Variants in SENP2 observed in about 807,000 individuals in gnomAD.
SENP2 encodes the protein sentrin-specific protease 2.
In SENP2, 16 loss-of-function variants were observed where a neutral mutation model predicts 86.3. The observed-to-expected ratio is 0.19, with a 90% CI of 0.13 to 0.28. The LOEUF is 0.28. Ranked by LOEUF, SENP2 falls within the 10% of genes least tolerant of loss-of-function variation. SENP2 has a pLI of 1.00. For missense variants in SENP2, 552 were observed against 703.0 expected (o/e 0.79, Z 2.43); for synonymous variants, 222 against 238.7 (o/e 0.93, Z 0.64).
chr3:185,621,394 T>C (rs1167309537), intron 13 of SENP2, among the ~76,000 whole-genome samples: 8 of 133,118 alleles, frequency 6.0e-5, no homozygotes, highest in East Asian at 4.3e-4. Context: ...TTCTTTTTTT[T>C]TTTTTTTTTT....
chr3:185,610,723 C>T (rs1722659690), intron 7 of SENP2, among the ~76,000 whole-genome samples: 1 of 151,912 alleles, frequency 6.6e-6, no homozygotes, highest in Non-Finnish European at 1.5e-5. Context: ...TTTGGGAGGC[C>T]GAGGTGGACG....
At position 185,611,661 on chromosome 3, in the gene SENP2, A is replaced by T; in HGVS notation, c.733A>T (p.Ser245Cys). The T allele has an allele frequency of 6.2e-7, 1 of 1,612,378 alleles. No individual in the cohort carries two copies. Among genetic ancestry groups the T allele is most frequent in the Admixed American group, 1.7e-5 (1 of 59,950 alleles). The change falls in exon 8 of 17, where the codon AGT becomes TGT. Residue 245 changes from serine to cysteine, a missense_variant. Physicochemically the swap from Ser to Cys is moderately radical, Grantham distance 112. Around this residue, in one of 2 missense-constraint regions of SENP2, gnomAD observed 383 missense variants for 427.3 expected, o/e 0.90. Transcript: ENST00000296257. ...TTTTGTGTTTCTAAGTTCTCAAAGA[A>T]GTCAGATGGACACATTAAAGACCAA... ...VTSNYHSSQR[S>C]QMDTLKTKGW...
At position 185,586,562 on chromosome 3, in the gene SENP2, C is replaced by G. The variant is rs760589831; in HGVS notation, c.101+48C>G. The G allele has an allele frequency of 3.7e-5, 58 of 1,546,808 alleles. No individual in the cohort carries two copies. Among genetic ancestry groups the G allele is most frequent in the Admixed American group, 2.7e-4 (16 of 59,570 alleles). On this transcript the variant is annotated intron_variant, in intron 1 of 16. Coordinates refer to ENST00000296257, the MANE Select transcript of SENP2 (RefSeq NM_021627.3). The surrounding 1 kb of genome is among the most constrained non-coding windows in gnomAD (Gnocchi z 4.3). Reference sequence around the variant, plus strand: ...GCCAGCCTGGCCTTACCCCCTCCCCCACAGCGGGCTCCTCGGCCGTGATAG... The same window carrying G: ...GCCAGCCTGGCCTTACCCCCTCCCCGACAGCGGGCTCCTCGGCCGTGATAG...
At chr3:185,623,744 G>A (rs556184753) in intron 14 of SENP2, among the ~76,000 whole-genome samples, 8 of 144,452 alleles carry the variant, frequency 5.5e-5, no homozygotes, top group East Asian at 2.1e-4. Context: ...GGAGAATGGC[G>A]TGAACCCGGG....
In SENP2 at chr3:185,599,009, A is replaced by G; in HGVS notation, c.343A>G (p.Asn115Asp). The G allele has an allele frequency of 6.2e-7, 1 of 1,612,498 alleles. No individual in the cohort carries two copies. ...CELTGSGSWN[N>D]MLKLGNKSPN... ...ACTGACAGGTTCTGGATCCTGGAAC[A>G]ACATGCTGAAACTGGGTGAGGTGGT... Residue 115 changes from asparagine (N) to aspartate (D), a missense_variant, in exon 4 of 17, where the codon AAC becomes GAC. Coordinates refer to ENST00000296257, the MANE Select transcript of SENP2 (RefSeq NM_021627.3).
chr3:185,621,755 A>AT, intron 13 of SENP2, 71 bp from the exon 14 acceptor site: 3 of 918,704 alleles, frequency 3.3e-6, no homozygotes, highest in Admixed American at 2.3e-5. Context: ...AGATGCTTTT[A>AT]TTTTTGGAAG....
At position 185,633,149 on chromosome 3, in the gene SENP2, G is replaced by A. The variant is rs1352401509; in HGVS notation, c.*3305G>A. The stretch of plus-strand genomic sequence containing the variant: ...CTGATAGCGGATGTCTTCCTGCTGT[G>A]AGGAGCTGCTTGATGTGGGGACCAA... On this transcript the variant is annotated 3_prime_UTR_variant, in exon 17 of 17. Coordinates refer to ENST00000296257, the MANE Select transcript of SENP2 (RefSeq NM_021627.3). The A allele has an allele frequency of 1.3e-5, 2 of 152,260 alleles. No individual in the cohort carries two copies. Among genetic ancestry groups the A allele is most frequent in the Non-Finnish European group, 2.9e-5 (2 of 68,068 alleles). The allele number at this position is 152,260 out of a possible 1,614,324, so 9.4% of individuals were successfully genotyped here. A position where few individuals can be genotyped will look rare whatever the true frequency, so the allele number is the denominator to read the frequency against.
chr3:185,619,577 C>A, intron 13 of SENP2, 75 bp downstream of exon 13: 1 of 1,233,960 alleles, frequency 8.1e-7, no homozygotes, highest in Non-Finnish European at 1.2e-6. Flanking sequence ...CTGCCTTTTT[C>A]TGCCCTGTGT....
At chr3:185,619,637 TA>T (rs1711763868) in intron 13 of SENP2, 135 bp downstream of exon 13, 6 of 515,714 alleles carry the variant, frequency 1.2e-5, no homozygotes, top group Admixed American at 3.7e-5. Flanking sequence ...AGTCTCTTTT[TA>T]GTTTTTTTTT....
chr3:185,586,621 G>A lies in SENP2; in HGVS notation c.101+107G>A. 9.5e-7 allele frequency: 1 copy of A among 1,049,874 alleles called. No homozygotes were observed. Among genetic ancestry groups the A allele is most frequent in the Non-Finnish European group, 1.4e-6 (1 of 704,874 alleles). The allele number at this position is 1,049,874 out of a possible 1,614,324, so 65.0% of individuals were successfully genotyped here. Reference sequence around the variant, plus strand: ...CAGCCAGGCTCACCCGAAACAGGTCGCCGGGATCCTAGTGACGTAGTCGCT... The same window carrying A: ...CAGCCAGGCTCACCCGAAACAGGTCACCGGGATCCTAGTGACGTAGTCGCT... On this transcript the variant is annotated intron_variant, in intron 1 of 16. Transcript: ENST00000296257. This position sits in a 1 kb window ranked among gnomAD's most constrained non-coding sequence, Gnocchi z 4.3.
Position 185,586,858 on chromosome 3 carries a change from C to T in SENP2, c.101+344C>T, listed in dbSNP as rs951619900. ...GTTTACAAAGCACCCTCGCAAGTGTCATCTGCAGACATTAAGTGCAGTTGA... is the reference window on the plus strand; with the variant it reads ...GTTTACAAAGCACCCTCGCAAGTGTTATCTGCAGACATTAAGTGCAGTTGA... On this transcript the variant is annotated intron_variant, in intron 1 of 16. Coordinates refer to ENST00000296257, the MANE Select transcript of SENP2 (RefSeq NM_021627.3). The surrounding 1 kb of genome is among the most constrained non-coding windows in gnomAD (Gnocchi z 4.3). Among the ~76,000 whole-genome samples the T allele has an allele frequency of 1.4e-4, 22 of 152,234 alleles. No individual in the cohort carries two copies. Among genetic ancestry groups the T allele is most frequent in the African/African-American group, 5.1e-4 (21 of 41,462 alleles).
At chr3:185,611,827 T>C (rs1722711174) in intron 8 of SENP2, 82 bp downstream of exon 8, 4 of 1,018,394 alleles carry the variant, frequency 3.9e-6, no homozygotes, top group South Asian at 1.5e-5. Context: ...AAAATTGACA[T>C]TCAAGTGTAG....
intron 2 of SENP2, among the ~76,000 whole-genome samples, chr3:185,596,839 GTTTATTTA>G (rs901070588): frequency 2.0e-5 from 3 of 151,952 alleles, no homozygotes; most frequent in African/African-American, 7.2e-5. Context: ...TGTGGTAAAA[GTTTATTTA>G]TTTATTTATT....
In SENP2 at chr3:185,599,939, C is replaced by T. The variant is rs138585673; in HGVS notation, c.359-826C>T. ...TCAGCCTCCCGAGGAGCTGGGATTA[C>T]AGGCATGCGCCACCACCCTGGCTAA... On this transcript the variant is annotated intron_variant, in intron 4 of 16. Transcript: ENST00000296257. Among the ~76,000 whole-genome samples, 522 of 151,792 alleles carry T rather than the reference C, an allele frequency of 3.4e-3. 3 individuals carry two copies. Among genetic ancestry groups the T allele is most frequent in the African/African-American group, 0.012 (502 of 41,408 alleles).
At chr3:185,603,351 ACAT>A (rs1356291498) in intron 5 of SENP2, among the ~76,000 whole-genome samples, 1 of 152,228 alleles carries the variant, frequency 6.6e-6, no homozygotes, top group African/African-American at 2.4e-5. Context: ...ACTGAGAAAG[ACAT>A]CATAACTAAA....
chr3:185,626,479 ATAG>A (rs1712150774), intron 16 of SENP2, 86 bp downstream of exon 16: 2 of 896,394 alleles, frequency 2.2e-6, no homozygotes, highest in Non-Finnish European at 3.5e-6. Context: ...TCAGCTCTCA[ATAG>A]TAGTAGCTGG....
intron 2 of SENP2, among the ~76,000 whole-genome samples, chr3:185,592,007 ATTTCTTTTTTTTTTTTT>A: frequency 2.8e-5 from 1 of 35,116 alleles, no homozygotes; most frequent in South Asian, 8.1e-4. Flanking sequence ...AACCGGTAAT[ATTTCTTTTTTTTTTTTT>A]TTTTTTTTTT....
chr3:185,604,589 A>G (rs1722451023), intron 5 of SENP2, among the ~76,000 whole-genome samples: 1 of 152,034 alleles, frequency 6.6e-6, no homozygotes, highest in Admixed American at 6.6e-5. Flanking sequence ...TTTTGTCTCC[A>G]TATATTTTGA....
At chr3:185,591,736 AT>A (rs966158491) in intron 2 of SENP2, among the ~76,000 whole-genome samples, 22 of 131,758 alleles carry the variant, frequency 1.7e-4, no homozygotes, top group African/African-American at 2.2e-4. Context: ...CATCTTTTCT[AT>A]TTTTTTTTTT....
Sources: gnomAD v4.1 joint callset for allele counts (sites outside exome capture counted in the v4.1 genomes callset) on GRCh38, gnomAD v4.1.1 for gene constraint, gnomAD v4.1.1 regional missense constraint, Gnocchi (gnomAD v3.1) non-coding constraint, MANE v1.5 for transcripts, NCBI Gene and HGNC (gene_info 2026-07-23, HGNC 2026-07-21) for gene names.